Variants in CSMD1 observed in about 807,000 individuals in gnomAD.
The protein encoded by CSMD1 is CUB and Sushi multiple domains 1.
A neutral mutation model predicts 417.5 loss-of-function variants in CSMD1; 213 were observed. The ratio of observed to expected loss-of-function variants is 0.51; its 90% CI spans 0.46 to 0.57. The LOEUF (loss-of-function observed/expected upper bound fraction) is 0.57, where lower values mean the gene tolerates loss of function less well. Ranked by LOEUF, CSMD1 falls within the 20% of genes least tolerant of loss-of-function variation. CSMD1 has a pLI of 0.00. For synonymous variants in CSMD1, 2,862 were observed against 1,736.8 expected (o/e 1.65, Z -16.11); for missense variants, 6,923 against 4,529.7 (o/e 1.53, Z -15.17).
At chr8:3,199,592 A>C (rs1796882077) in intron 33 of CSMD1, 122 bp downstream of exon 33, 6 of 437,806 alleles carry the variant, frequency 1.4e-5, no homozygotes, top group Non-Finnish European at 2.0e-5. Context: ...GAACACCTTC[A>C]GCTCCTTAAA....
At chr8:3,544,030 T>C (rs1585336103) in intron 10 of CSMD1, among the ~76,000 whole-genome samples, 3 of 152,210 alleles carry the variant, frequency 2.0e-5, no homozygotes, top group African/African-American at 7.2e-5. Context: ...TAAAACAGTC[T>C]TCCACAGGTG....
At chr8:4,557,917 A>T (rs1248771253) in intron 2 of CSMD1, among the ~76,000 whole-genome samples, 1 of 152,128 alleles carries the variant, frequency 6.6e-6, no homozygotes, top group Admixed American at 6.6e-5. Context: ...TTAGTTTTTC[A>T]TCATATCTTA....
In CSMD1 at chr8:3,458,836, C is replaced by G. The variant is rs138463528; in HGVS notation, c.1561+9876G>C. On this transcript the variant is annotated intron_variant, in intron 12 of 69. Coordinates refer to ENST00000635120, the MANE Select transcript of CSMD1 (RefSeq NM_033225.6). ...AAACAGGATTGAATAAAATGGGGCT[C>G]TTTCTCAAGGACTCGAGGACACACA... is the stretch of plus-strand genomic sequence containing the variant. Among the ~76,000 whole-genome samples, 482 of 152,288 alleles carry G rather than the reference C, an allele frequency of 3.2e-3. 2 individuals are homozygous for G. Among genetic ancestry groups the G allele is most frequent in the African/African-American group, 0.011 (448 of 41,564 alleles).
At chr8:3,953,841 A>G (rs1457668301) in intron 5 of CSMD1, among the ~76,000 whole-genome samples, 2 of 152,138 alleles carry the variant, frequency 1.3e-5, no homozygotes, top group Non-Finnish European at 2.9e-5. Context: ...CAGTTCCTAG[A>G]GAGCCTAATG....
chr8:4,476,366 C>A (rs564929623), intron 2 of CSMD1, among the ~76,000 whole-genome samples: 1 of 152,194 alleles, frequency 6.6e-6, no homozygotes, highest in East Asian at 1.9e-4. Context: ...GTATTCAGCA[C>A]AATTTTGGCT....
intron 3 of CSMD1, among the ~76,000 whole-genome samples, chr8:4,387,815 G>C (rs1006623610): frequency 1.3e-5 from 2 of 152,002 alleles, no homozygotes; most frequent in African/African-American, 4.8e-5. Flanking sequence ...ACTTCAAACC[G>C]TGTAGGTTTC....
At chr8:4,693,232 G>C (rs916755974) in intron 1 of CSMD1, among the ~76,000 whole-genome samples, 2 of 152,204 alleles carry the variant, frequency 1.3e-5, no homozygotes, top group Admixed American at 6.5e-5. Flanking sequence ...TGACGGCCAT[G>C]AGCAAGAAAT....
intron 3 of CSMD1, among the ~76,000 whole-genome samples, chr8:4,153,982 G>A (rs1393540005): frequency 6.6e-6 from 1 of 152,142 alleles, no homozygotes; most frequent in Non-Finnish European, 1.5e-5. Flanking sequence ...TACTGAGAAG[G>A]CAGAATCCAA....
intron 53 of CSMD1, among the ~76,000 whole-genome samples, 156 bp downstream of exon 53, chr8:2,999,802 C>T (rs1273695267): frequency 6.6e-6 from 1 of 151,924 alleles, no homozygotes; most frequent in Non-Finnish European, 1.5e-5. Flanking sequence ...GTGAACATGG[C>T]ACCTCTCCTG....
intron 3 of CSMD1, among the ~76,000 whole-genome samples, chr8:4,108,124 G>A (rs1054448484): frequency 1.3e-5 from 2 of 151,960 alleles, no homozygotes; most frequent in Non-Finnish European, 2.9e-5. Flanking sequence ...GGAGGAGGAG[G>A]AGGGTAGGGA....
chr8:4,134,192 G>A (rs1033883940), intron 3 of CSMD1, among the ~76,000 whole-genome samples: 1 of 152,126 alleles, frequency 6.6e-6, no homozygotes, highest in Non-Finnish European at 1.5e-5. Context: ...TAAAGTTGAA[G>A]GAAAGTCACT....
rs185140487 is a variant in CSMD1 at position 4,018,596 on chromosome 8, G to C, written c.610+13309C>G. Among the ~76,000 whole-genome samples, 959 of 152,272 alleles carry C rather than the reference G, an allele frequency of 6.3e-3. 9 individuals are homozygous for C. The highest frequency in any genetic ancestry group is 0.051 in the South Asian group (245 of 4,826). ...CCTCTCCAGGCAACCAGCACCCCCTGCCCCACTCAGACTATTCAGGATTCA... is the reference window on the plus strand; with the variant it reads ...CCTCTCCAGGCAACCAGCACCCCCTCCCCCACTCAGACTATTCAGGATTCA... On this transcript the variant is annotated intron_variant, in intron 4 of 69. Transcript: ENST00000635120.
intron 3 of CSMD1, among the ~76,000 whole-genome samples, chr8:4,397,521 CTCTTT>C (rs1804326710): frequency 1.7e-5 from 2 of 120,142 alleles, no homozygotes; most frequent in Non-Finnish European, 3.4e-5. Flanking sequence ...AAGCCTGAGA[CTCTTT>C]TTTTTTTTTT....
rs73658880 is a variant in CSMD1 at position 4,423,066 on chromosome 8, T to A, written c.303-3001A>T. Among the ~76,000 whole-genome samples, 1,301 of 152,014 alleles carry A rather than the reference T, an allele frequency of 8.6e-3. 14 individuals carry two copies. The highest frequency in any genetic ancestry group is 0.029 in the African/African-American group (1,212 of 41,518). On this transcript the variant is annotated intron_variant, in intron 2 of 69. Coordinates refer to ENST00000635120, the MANE Select transcript of CSMD1 (RefSeq NM_033225.6). Reference sequence around the variant, plus strand: ...AATATCTCTACAAAAATAAAAAAAATTTAAAAAAGCCTAAAGATAACATTT... The same window carrying A: ...AATATCTCTACAAAAATAAAAAAAAATTAAAAAAGCCTAAAGATAACATTT...
chr8:3,102,080 T>C (rs1438814102), intron 46 of CSMD1, among the ~76,000 whole-genome samples: 1 of 152,124 alleles, frequency 6.6e-6, no homozygotes, highest in East Asian at 1.9e-4. Flanking sequence ...GGGATGGTGA[T>C]AAGTTTCAAA....
At chr8:4,054,705 G>T (rs1029436292) in intron 3 of CSMD1, among the ~76,000 whole-genome samples, 1 of 152,046 alleles carries the variant, frequency 6.6e-6, no homozygotes, top group African/African-American at 2.4e-5. Flanking sequence ...ATTCCTGAGG[G>T]TGCCCAGAGG....
chr8:4,473,114 T>C (rs1009959382), intron 2 of CSMD1, among the ~76,000 whole-genome samples: 1 of 152,192 alleles, frequency 6.6e-6, no homozygotes, highest in Non-Finnish European at 1.5e-5. Flanking sequence ...TGTTTGAATT[T>C]AGATAATTAC....
intron 5 of CSMD1, among the ~76,000 whole-genome samples, chr8:3,980,513 G>A (rs560179026): frequency 3.1e-4 from 47 of 150,584 alleles, no homozygotes; most frequent in African/African-American, 1.1e-3. Context: ...CTGCTTCTAT[G>A]TTGTTTATGC....
At chr8:3,490,216 A>T (rs1275027651) in intron 11 of CSMD1, among the ~76,000 whole-genome samples, 2 of 152,150 alleles carry the variant, frequency 1.3e-5, no homozygotes, top group Non-Finnish European at 2.9e-5. Context: ...TCCCGGCTGC[A>T]TTATGTTTCC....
Sources: gnomAD v4.1 joint callset for allele counts (sites outside exome capture counted in the v4.1 genomes callset) on GRCh38, gnomAD v4.1.1 for gene constraint, MANE v1.5 for transcripts, NCBI Gene and HGNC (gene_info 2026-07-23, HGNC 2026-07-21) for gene names.